DOCK9: variants seen among roughly 807,000 people sequenced by gnomAD.
The protein encoded by DOCK9 is dedicator of cytokinesis 9.
DOCK9 carries 89 observed loss-of-function variants against 263.3 expected under a neutral mutation model. The ratio of observed to expected loss-of-function variants is 0.34; its 90% CI spans 0.28 to 0.40. The LOEUF (loss-of-function observed/expected upper bound fraction) is 0.40. Ranked by LOEUF, DOCK9 falls within the 10% of genes least tolerant of loss-of-function variation. The pLI is 1.00. For missense variants in DOCK9, 2,140 were observed against 2,603.4 expected (o/e 0.82, Z 3.87); for synonymous variants, 976 against 973.1 (o/e 1.00, Z -0.06).
At chr13:98,963,502 T>C (rs1208822046) in intron 1 of DOCK9, among the ~76,000 whole-genome samples, 1 of 152,190 alleles carries the variant, frequency 6.6e-6, no homozygotes, top group African/African-American at 2.4e-5. Context: ...TTGCCTCGGA[T>C]GTGATAGCTT....
Position 98,901,799 on chromosome 13 carries a change from C to T in DOCK9, c.1482G>A (p.Met494Ile). ...ATACCTTAGAAGAGTCTGAACTTTT[C>T]ATATATGGCTCAGCGCAATGTGTGA... is the stretch of plus-strand genomic sequence containing the variant. ...GSITHCAEPY[M>I]KSSDSSKVAQ... Residue 494 changes from methionine to isoleucine, a missense_variant, in exon 13 of 53, where the codon ATG becomes ATA. Met to Ile is a conservative substitution (Grantham distance 10). Around this residue, in one of 2 missense-constraint regions of DOCK9, gnomAD observed 1,521 missense variants for 1,741.7 expected, o/e 0.87. Coordinates refer to ENST00000682017, the MANE Select transcript of DOCK9 (RefSeq NM_001366683.2). The T allele has an allele frequency of 6.2e-7, 1 of 1,612,718 alleles. No homozygotes were observed.
intron 1 of DOCK9, among the ~76,000 whole-genome samples, chr13:99,000,163 C>T (rs1455726639): frequency 1.3e-5 from 2 of 152,142 alleles, no homozygotes; most frequent in African/African-American, 4.8e-5. Context: ...GCAGAAGGGG[C>T]TCCTATCACC....
intron 1 of DOCK9, among the ~76,000 whole-genome samples, chr13:98,964,931 C>A (rs1164720395): frequency 6.6e-6 from 1 of 152,202 alleles, no homozygotes; most frequent in Non-Finnish European, 1.5e-5. Flanking sequence ...ACACTGGAGT[C>A]AGAGAGCAAC....
intron 12 of DOCK9, 149 bp downstream of exon 12, chr13:98,902,139 G>T: frequency 1.0e-6 from 1 of 1,004,614 alleles, no homozygotes; most frequent in Non-Finnish European, 1.4e-6. Context: ...TTCTCAGCTT[G>T]CTTTTACTGT....
At chr13:99,051,958 AAAGAG>A (rs1282299215) in intron 1 of DOCK9, among the ~76,000 whole-genome samples, 1 of 152,176 alleles carries the variant, frequency 6.6e-6, no homozygotes, top group Non-Finnish European at 1.5e-5. Flanking sequence ...ACCACATATG[AAAGAG>A]AAATCAGTTG....
intron 9 of DOCK9, 116 bp downstream of exon 9, chr13:98,914,211 GA>G: frequency 1.2e-6 from 1 of 852,024 alleles, no homozygotes; most frequent in Non-Finnish European, 1.8e-6. Context: ...GAAAAAGAGA[GA>G]GGTAATCACA....
chr13:98,898,855 T>C (rs577168492), intron 13 of DOCK9, among the ~76,000 whole-genome samples: 73 of 152,308 alleles, frequency 4.8e-4, no homozygotes, highest in African/African-American at 1.5e-3. Context: ...TGTTGATTGA[T>C]TGATTAATTC....
rs750254244 is a variant in DOCK9 at position 98,868,256 on chromosome 13, T to C, written c.3065A>G (p.Asn1022Ser). 75 of 1,613,890 alleles carry C rather than the reference T, an allele frequency of 4.6e-5. No homozygotes were observed. In the Middle Eastern group the frequency reaches 4.9e-4, roughly 11 times the overall value. The change falls in exon 28 of 53, where the codon AAT becomes AGT. Residue 1022 changes from asparagine to serine, a missense_variant. Around this residue, in one of 2 missense-constraint regions of DOCK9, gnomAD observed 1,521 missense variants for 1,741.7 expected, o/e 0.87. Coordinates refer to ENST00000682017, the MANE Select transcript of DOCK9 (RefSeq NM_001366683.2). ...RDNPEASKNA[N>S]HSLAVFIKRC... Reference sequence around the variant, plus strand: ...CTTGATGAAGACAGCAAGGCTATGATTCGCGTTCTTAGATGCCTCTGGATT... The same window carrying C: ...CTTGATGAAGACAGCAAGGCTATGACTCGCGTTCTTAGATGCCTCTGGATT...
At chr13:98,867,828 T>A in intron 29 of DOCK9, 100 bp downstream of exon 29, 1 of 1,164,058 alleles carries the variant, frequency 8.6e-7, no homozygotes, top group Non-Finnish European at 1.2e-6. Context: ...AATAAAAAAA[T>A]TAGTAAGGCA....
chr13:98,977,925 C>T lies in DOCK9; in HGVS notation c.-16G>A. On this transcript the variant is annotated 5_prime_UTR_variant, in exon 1 of 53. Coordinates refer to ENST00000682017, the MANE Select transcript of DOCK9 (RefSeq NM_001366683.2). ...CAGCCTGCATTCTCGGCTGAAAACG[C>T]AAGTCAGAAAGTCTGCAACTGGAAC... The T allele has an allele frequency of 6.4e-7, 1 of 1,568,654 alleles. No individual in the cohort carries two copies. Among genetic ancestry groups the T allele is most frequent in the Non-Finnish European group, 8.7e-7 (1 of 1,155,662 alleles).
At chr13:98,996,502 C>T (rs962438567) in intron 1 of DOCK9, among the ~76,000 whole-genome samples, 2 of 152,212 alleles carry the variant, frequency 1.3e-5, no homozygotes, top group African/African-American at 4.8e-5. Flanking sequence ...CAGGTCCTTA[C>T]ATTACCCATA....
chr13:98,933,263 G>C (rs1286668767), intron 2 of DOCK9, among the ~76,000 whole-genome samples: 1 of 151,876 alleles, frequency 6.6e-6, no homozygotes, highest in Non-Finnish European at 1.5e-5. Context: ...ACCAACTCAA[G>C]AAACTTTAAT....
At chr13:98,903,687 A>C (rs1171083117) in intron 10 of DOCK9, among the ~76,000 whole-genome samples, 1 of 152,104 alleles carries the variant, frequency 6.6e-6, no homozygotes, top group Non-Finnish European at 1.5e-5. Context: ...AGAGCTTGAA[A>C]ATTATGATCA....
intron 1 of DOCK9, among the ~76,000 whole-genome samples, chr13:98,971,756 G>C (rs2059755944): frequency 6.6e-6 from 1 of 152,134 alleles, no homozygotes; most frequent in Non-Finnish European, 1.5e-5. Flanking sequence ...CAGATTCTTA[G>C]ACTCTCACCA....
chr13:98,844,258 C>T (rs2093320395), intron 38 of DOCK9, among the ~76,000 whole-genome samples: 1 of 152,230 alleles, frequency 6.6e-6, no homozygotes, highest in Non-Finnish European at 1.5e-5. Flanking sequence ...AAGTGTAGAA[C>T]TCAGAAGTAG....
chr13:99,007,227 A>C (rs1344754193), intron 1 of DOCK9, among the ~76,000 whole-genome samples: 2 of 151,960 alleles, frequency 1.3e-5, no homozygotes, highest in South Asian at 4.1e-4. Context: ...GTCTCTACTA[A>C]AAATACAAAA....
chr13:98,896,777 G>A (rs561226144), intron 15 of DOCK9, among the ~76,000 whole-genome samples: 2 of 152,322 alleles, frequency 1.3e-5, no homozygotes, highest in Admixed American at 1.3e-4. Flanking sequence ...CACATTCCTT[G>A]CTCCCTCTTT....
chr13:99,019,899 G>A (rs1053951127), intron 1 of DOCK9, among the ~76,000 whole-genome samples: 5 of 152,068 alleles, frequency 3.3e-5, no homozygotes, highest in African/African-American at 9.7e-5. Flanking sequence ...TCAGGAGTTC[G>A]AGACCAGCCT....
intron 21 of DOCK9, 88 bp downstream of exon 21, chr13:98,884,882 GT>G (rs2045432488): frequency 7.1e-7 from 1 of 1,413,828 alleles, no homozygotes; most frequent in Non-Finnish European, 9.6e-7. Context: ...CAAAAATACT[GT>G]TTGCTTTTTG....
Sources: allele counts gnomAD v4.1 joint callset (sites outside exome capture counted in the v4.1 genomes callset), GRCh38; gene constraint gnomAD v4.1.1; regional missense constraint gnomAD v4.1.1; transcripts MANE v1.5; gene names NCBI Gene and HGNC (gene_info 2026-07-23, HGNC 2026-07-21).